The following TENM1 variants were observed in gnomAD, a reference collection of about 807,000 sequenced individuals.
TENM1 encodes the protein teneurin transmembrane protein 1.
Under a neutral mutation model 174.8 loss-of-function variants are expected in TENM1, and 35 were observed. The ratio of observed to expected loss-of-function variants is 0.20; its 90% confidence interval spans 0.15 to 0.27. The LOEUF (loss-of-function observed/expected upper bound fraction) is 0.27, where lower values mean the gene tolerates loss of function less well. TENM1 is among the 10% of genes least tolerant of loss of function. The pLI, the probability that TENM1 is intolerant of heterozygous loss-of-function variation, is 1.00. For synonymous variants in TENM1, 781 were observed against 798.7 expected (o/e 0.98, Z 0.37); for missense variants, 1,633 against 2,130.1 (o/e 0.77, Z 4.59).
At chrX:124,554,337 C>T (rs918932002) in intron 14 of TENM1, among the ~76,000 whole-genome samples, 3 of 111,530 alleles carry the variant, frequency 2.7e-5, no homozygotes, top group African/African-American at 9.8e-5. Flanking sequence ...GCAAAGTAGA[C>T]AGATATCAAG....
At chrX:124,809,843 GGAGAGA>G (rs4027522) in intron 3 of TENM1, among the ~76,000 whole-genome samples, 107 of 78,672 alleles carry the variant, frequency 1.4e-3, no homozygotes, top group African/African-American at 2.3e-3. Flanking sequence ...CATGACAGCA[GGAGAGA>G]GAGAGAGAGA....
intron 3 of TENM1, among the ~76,000 whole-genome samples, chrX:124,879,607 C>G (rs1461574103): frequency 9.0e-6 from 1 of 111,411 alleles, no homozygotes; most frequent in East Asian, 2.8e-4. Flanking sequence ...TTTGATATAC[C>G]GATTTCTTTT....
the TENM1 span, among the ~76,000 whole-genome samples, chrX:125,025,797 T>C: frequency 9.0e-6 from 1 of 111,481 alleles, no homozygotes; most frequent in Non-Finnish European, 1.9e-5. Flanking sequence ...GTATAATAAC[T>C]TTTAAAGCAC....
chrX:125,022,446 T>C, the TENM1 span, among the ~76,000 whole-genome samples: 1 of 111,623 alleles, frequency 9.0e-6, no homozygotes, highest in African/African-American at 3.2e-5. Context: ...GGCCAAAATA[T>C]ATGGAATATA....
Position 124,392,722 on chromosome X carries a change from C to T in TENM1, c.5392-374G>A, listed in dbSNP as rs147764745. Among the ~76,000 whole-genome samples the T allele has an allele frequency of 8.6e-3, 958 of 111,812 alleles. 18 individuals carry two copies. The highest frequency in any genetic ancestry group is 0.028 in the African/African-American group (867 of 30,773). ...TTCACCCTTTTCACCAGTGAAGTGG[C>T]CATAACATAAAAGGGTGAATTATTT... is the stretch of plus-strand genomic sequence containing the variant. On this transcript the variant is annotated intron_variant, in intron 27 of 31. Coordinates refer to ENST00000422452, the Ensembl canonical transcript of TENM1.
chrX:124,578,647 C>A (rs1016112566), intron 11 of TENM1, among the ~76,000 whole-genome samples: 2 of 111,903 alleles, frequency 1.8e-5, no homozygotes, highest in African/African-American at 6.5e-5. Context: ...CCTCTGTTTC[C>A]AATACACTTA....
At chrX:124,767,960 T>C (rs1244371193) in intron 3 of TENM1, among the ~76,000 whole-genome samples, 4 of 111,434 alleles carry the variant, frequency 3.6e-5, no homozygotes, top group Non-Finnish European at 7.6e-5. Flanking sequence ...TCCTATAGGG[T>C]TTTCTCCTCA....
At chrX:124,671,450 C>T (rs1463571131) in intron 6 of TENM1, among the ~76,000 whole-genome samples, 2 of 111,490 alleles carry the variant, frequency 1.8e-5, no homozygotes, top group Non-Finnish European at 3.8e-5. Flanking sequence ...AAATATTTAT[C>T]TATTTTCAAA....
chrX:124,380,939 C>T, exon 32 of TENM1: 2 of 1,211,569 alleles, frequency 1.7e-6, no homozygotes, highest in Non-Finnish European at 2.2e-6. Context: ...CCGCCTCCCC[C>T]CAGTGTTACC....
At chrX:124,793,016 C>CT (rs1293986494) in intron 3 of TENM1, among the ~76,000 whole-genome samples, 3 of 111,867 alleles carry the variant, frequency 2.7e-5, no homozygotes, top group African/African-American at 9.7e-5. Flanking sequence ...AATTAACATA[C>CT]TTTTTTTCTA....
chrX:124,917,095 A>C (rs929921168), intron 1 of TENM1, among the ~76,000 whole-genome samples: 25 of 111,710 alleles, frequency 2.2e-4, no homozygotes, highest in Non-Finnish European at 4.1e-4. Flanking sequence ...TACTGAAAGC[A>C]GGCAGAAGAG....
intron 4 of TENM1, among the ~76,000 whole-genome samples, chrX:124,734,526 T>A (rs2053630009): frequency 8.9e-6 from 1 of 111,798 alleles, no homozygotes; most frequent in African/African-American, 3.3e-5. Context: ...AATTGGGTTA[T>A]TGTCACCATA....
At chrX:124,385,555 G>C in intron 29 of TENM1, 122 bp downstream of exon 32, 1 of 650,707 alleles carries the variant, frequency 1.5e-6, no homozygotes, top group African/African-American at 2.2e-5. Flanking sequence ...AATTTGATAA[G>C]TAAAGTGAAA....
intron 2 of TENM1, 102 bp from the exon 6 acceptor site, chrX:124,894,454 C>T: frequency 1.8e-6 from 1 of 544,886 alleles, no homozygotes; most frequent in Non-Finnish European, 3.0e-6. Context: ...AAAAAAAACC[C>T]AGCTTTATTG....
intron 1 of TENM1, among the ~76,000 whole-genome samples, chrX:124,943,400 T>C (rs2058358534): frequency 8.9e-6 from 1 of 111,960 alleles, no homozygotes; most frequent in Non-Finnish European, 1.9e-5. Flanking sequence ...AATCCTATTA[T>C]AACACAGCAC....
chrX:124,636,600 C>T (rs959197038), intron 11 of TENM1, among the ~76,000 whole-genome samples: 1 of 111,930 alleles, frequency 8.9e-6, no homozygotes, highest in African/African-American at 3.3e-5. Flanking sequence ...AATCTATTCA[C>T]CTGAGTTCTG....
At chrX:125,088,922 A>G in the TENM1 span, among the ~76,000 whole-genome samples, 47 of 111,584 alleles carry the variant, frequency 4.2e-4, no homozygotes, top group Non-Finnish European at 5.1e-4. Flanking sequence ...AGCTTCAAAA[A>G]TACCTATACA....
At chrX:125,025,763 T>C in the TENM1 span, among the ~76,000 whole-genome samples, 5 of 111,542 alleles carry the variant, frequency 4.5e-5, no homozygotes, top group South Asian at 3.8e-4. Flanking sequence ...AAATCAACAC[T>C]AAAATGATAG....
chrX:124,803,044 G>A (rs1332084477), intron 3 of TENM1, among the ~76,000 whole-genome samples: 1 of 111,681 alleles, frequency 9.0e-6, no homozygotes. Flanking sequence ...ACAAAGCCCA[G>A]TTCATACTAC....
Sources: allele counts gnomAD v4.1 joint callset (sites outside exome capture counted in the v4.1 genomes callset), GRCh38; gene constraint gnomAD v4.1.1; transcripts MANE v1.5; gene names NCBI Gene and HGNC (gene_info 2026-07-23, HGNC 2026-07-21).